RRM2B: variants seen among roughly 807,000 people sequenced by gnomAD.
RRM2B encodes the protein ribonucleoside-diphosphate reductase subunit M2 B.
A neutral mutation model predicts 45.9 loss-of-function variants in RRM2B; 20 were observed. That is an observed-to-expected ratio of 0.44 (90% CI 0.31 to 0.63). The LOEUF is 0.63. RRM2B is among the 30% of genes least tolerant of loss of function. The pLI is 0.09. For synonymous variants in RRM2B, 124 were observed against 132.3 expected, an observed-to-expected ratio of 0.94 and a Z score of 0.43; for missense variants, 320 against 414.7, an observed-to-expected ratio of 0.77 and a Z score of 1.98.
chr8:102,218,580 C>T (rs917359526), intron 6 of RRM2B, among the ~76,000 whole-genome samples: 7 of 151,744 alleles, frequency 4.6e-5, no homozygotes, highest in African/African-American at 1.7e-4. Flanking sequence ...CAAAATTAGG[C>T]CAGGTGTAGT....
At chr8:102,229,683 C>T (rs929453294) in intron 2 of RRM2B, among the ~76,000 whole-genome samples, 2 of 152,062 alleles carry the variant, frequency 1.3e-5, no homozygotes, top group African/African-American at 4.8e-5. Context: ...TACCTGGGCT[C>T]AAGCGATTCT....
chr8:102,220,582 G>C (rs1028466525), intron 5 of RRM2B, among the ~76,000 whole-genome samples: 1 of 152,108 alleles, frequency 6.6e-6, no homozygotes, highest in Non-Finnish European at 1.5e-5. Flanking sequence ...GGGACTACAG[G>C]CGTGCGTCAC....
At chr8:102,218,762 T>G (rs1587174402) in intron 6 of RRM2B, 52 bp downstream of exon 6, 3 of 1,413,082 alleles carry the variant, frequency 2.1e-6, no homozygotes, top group Middle Eastern at 1.8e-4. Flanking sequence ...GAAAAATAGA[T>G]GAACATCAAA....
At chr8:102,230,108 A>T (rs1283900873) in intron 2 of RRM2B, among the ~76,000 whole-genome samples, 2 of 152,106 alleles carry the variant, frequency 1.3e-5, no homozygotes, top group Non-Finnish European at 2.9e-5. Flanking sequence ...TAACTGCCTG[A>T]GTGGCTTTAA....
chr8:102,233,866 C>T (rs1563668049), intron 1 of RRM2B, among the ~76,000 whole-genome samples: 1 of 152,194 alleles, frequency 6.6e-6, no homozygotes, highest in East Asian at 1.9e-4. Context: ...GGCTAGAGTG[C>T]ATAGATCAGA....
At position 102,238,902 on chromosome 8, in the gene RRM2B, G is replaced by T; in HGVS notation, c.-28C>A. On this transcript the variant is annotated 5_prime_UTR_variant, in exon 1 of 9. Coordinates refer to ENST00000251810, the MANE Select transcript of RRM2B (RefSeq NM_015713.5). The stretch of plus-strand genomic sequence containing the variant: ...CGCAGACTCCGCCGAAGCTACGGGC[G>T]CTGAGGGAACTGAGCTCCTCAGGCC... 6.2e-7 allele frequency: 1 copy of T among 1,607,132 alleles called. No homozygotes were observed.
chr8:102,215,045 T>TAA lies in RRM2B; in HGVS notation c.685-889_685-888dup, dbSNP rs3063793. On this transcript the variant is annotated intron_variant, in intron 6 of 8. Coordinates refer to ENST00000251810, the MANE Select transcript of RRM2B (RefSeq NM_015713.5). ...GAATAGATAGTATAGAGCTAAATAT[T>TAA]AAAAAAAAAAAAAAAAAAAAAAAGA... Among the ~76,000 whole-genome samples, 249 of 61,732 alleles carry TAA rather than the reference T, an allele frequency of 4.0e-3. 1 individual carries two copies. The highest frequency in any genetic ancestry group is 0.013 in the Middle Eastern group (1 of 78). The allele number at this position is 61,732 out of a possible 152,430, so 40.5% of individuals were successfully genotyped here. A position where few individuals can be genotyped will look rare whatever the true frequency, so the allele number is the denominator to read the frequency against.
At chr8:102,212,252 A>G (rs375025280) in intron 8 of RRM2B, among the ~76,000 whole-genome samples, 2 of 152,218 alleles carry the variant, frequency 1.3e-5, no homozygotes, top group African/African-American at 4.8e-5. Context: ...ACCAGGATTC[A>G]AACCCAGATA....
intron 8 of RRM2B, among the ~76,000 whole-genome samples, chr8:102,211,273 G>C (rs1479484879): frequency 1.3e-5 from 2 of 152,200 alleles, no homozygotes; most frequent in African/African-American, 2.4e-5. Context: ...TGGGATTAGA[G>C]GTGTGAGCCA....
intron 8 of RRM2B, 73 bp from the exon 9 acceptor site, chr8:102,208,358 C>A: frequency 9.1e-7 from 1 of 1,100,096 alleles, no homozygotes; most frequent in Non-Finnish European, 1.4e-6. Flanking sequence ...CAAAGATGAC[C>A]AAAACAGAGG....
chr8:102,235,573 C>G (rs1242427576), intron 1 of RRM2B, among the ~76,000 whole-genome samples: 1 of 152,146 alleles, frequency 6.6e-6, no homozygotes, highest in Non-Finnish European at 1.5e-5. Flanking sequence ...CGGCGTGGTG[C>G]CTCACGCCTG....
At chr8:102,231,805 T>A (rs1363888929) in intron 2 of RRM2B, among the ~76,000 whole-genome samples, 8 of 148,726 alleles carry the variant, frequency 5.4e-5, no homozygotes, top group Non-Finnish European at 3.0e-5. Context: ...GGAGGTGGAG[T>A]TTGCAGTGAG....
intron 6 of RRM2B, among the ~76,000 whole-genome samples, chr8:102,218,269 A>G (rs866553839): frequency 6.6e-6 from 1 of 152,160 alleles, no homozygotes; most frequent in Non-Finnish European, 1.5e-5. Flanking sequence ...CAGTGCGGGA[A>G]CCTAGGAGGA....
At chr8:102,238,526 C>G (rs1199495322) in intron 1 of RRM2B, 3 of 1,456,112 alleles carry the variant, frequency 2.1e-6, no homozygotes, top group Non-Finnish European at 2.7e-6. Context: ...GGTGGGAGAG[C>G]GTGAGGCGGA....
At chr8:102,216,708 T>G (rs893140773) in intron 6 of RRM2B, among the ~76,000 whole-genome samples, 1 of 151,944 alleles carries the variant, frequency 6.6e-6, no homozygotes, top group Non-Finnish European at 1.5e-5. Flanking sequence ...AAGATAAAAG[T>G]AGGCAACTAC....
intron 2 of RRM2B, among the ~76,000 whole-genome samples, chr8:102,230,800 C>T (rs1465915794): frequency 6.6e-6 from 1 of 152,240 alleles, no homozygotes; most frequent in East Asian, 1.9e-4. Context: ...TTATTTAGTG[C>T]CTACTAAGTG....
chr8:102,222,067 C>G (rs1360107410), intron 5 of RRM2B, among the ~76,000 whole-genome samples: 1 of 151,482 alleles, frequency 6.6e-6, no homozygotes, highest in Non-Finnish European at 1.5e-5. Flanking sequence ...GTGATTTTCT[C>G]ATTCCTATTT....
intron 8 of RRM2B, among the ~76,000 whole-genome samples, chr8:102,209,958 T>C (rs1810607640): frequency 6.6e-6 from 1 of 152,132 alleles, no homozygotes; most frequent in African/African-American, 2.4e-5. Context: ...TAGGCAAATC[T>C]ACAGACACAA....
rs29000285 is a variant in RRM2B at position 102,208,122 on chromosome 8, C to A, written c.*11G>T. The stretch of plus-strand genomic sequence containing the variant: ...ATGACAAGTTTATAGAGTTTTAAAA[C>A]GAGAGGTTTTTTAAAAATCTGCATC... On this transcript the variant is annotated 3_prime_UTR_variant, in exon 9 of 9. Coordinates refer to ENST00000251810, the MANE Select transcript of RRM2B (RefSeq NM_015713.5). 4 of 1,607,728 alleles carry A rather than the reference C, an allele frequency of 2.5e-6. No homozygotes were observed. The highest frequency in any genetic ancestry group is 1.3e-5 in the African/African-American group (1 of 74,810).
Sources: gnomAD v4.1 joint callset for allele counts (sites outside exome capture counted in the v4.1 genomes callset) on GRCh38, gnomAD v4.1.1 for gene constraint, MANE v1.5 for transcripts, NCBI Gene and HGNC (gene_info 2026-07-23, HGNC 2026-07-21) for gene names.